ABCA9: variants seen among roughly 807,000 people sequenced by gnomAD.
The protein encoded by ABCA9 is ATP-binding cassette sub-family A member 9.
ABCA9 carries 183 observed loss-of-function variants against 205.3 expected under a neutral mutation model. The observed-to-expected ratio is 0.89, with a 90% CI of 0.79 to 1.01. The LOEUF is 1.01. ABCA9 is among the 50% of genes least tolerant of loss of function. The pLI is 0.00. For missense variants in ABCA9, 1,805 were observed against 1,912.4 expected (o/e 0.94, Z 1.05); for synonymous variants, 651 against 683.3 (o/e 0.95, Z 0.74).
chr17:68,977,461 G>A (rs1031321816), intron 37 of ABCA9, among the ~76,000 whole-genome samples: 1 of 152,118 alleles, frequency 6.6e-6, no homozygotes, highest in African/African-American at 2.4e-5. Context: ...CCCTGGAGAG[G>A]CCCAAAACAT....
intron 28 of ABCA9, among the ~76,000 whole-genome samples, chr17:68,991,645 T>C (rs2078628061): frequency 6.6e-6 from 1 of 152,224 alleles, no homozygotes; most frequent in African/African-American, 2.4e-5. Flanking sequence ...GTTTATATTT[T>C]ATATGGAAGG....
chr17:69,031,166 C>T (rs1328968660), intron 10 of ABCA9, among the ~76,000 whole-genome samples: 1 of 152,120 alleles, frequency 6.6e-6, no homozygotes, highest in Non-Finnish European at 1.5e-5. Flanking sequence ...ATCTTCAATA[C>T]CCTCCTCCTT....
At chr17:69,066,235 T>C in the ABCA9 span, among the ~76,000 whole-genome samples, 1 of 152,118 alleles carries the variant, frequency 6.6e-6, no homozygotes, top group Non-Finnish European at 1.5e-5. Context: ...TCCCACACCA[T>C]AGATTGTAAA....
In ABCA9 at chr17:69,043,659, C is replaced by A. The variant is rs552851371; in HGVS notation, c.630G>T (p.Met210Ile). 1 of 1,613,484 alleles carries A rather than the reference C, an allele frequency of 6.2e-7. No individual in the cohort carries two copies. The highest frequency in any genetic ancestry group is 1.3e-5 in the African/African-American group (1 of 75,000). ...EQLMSVTGVH[M>I]KILPFVAQGG... ...CTTGGGCAACAAAAGGTAATATCTT[C>A]ATATGTACACCAGTAACTGACATCA... The change falls in exon 6 of 39, where the codon ATG becomes ATT. Residue 210 changes from methionine to isoleucine, a missense_variant. By Grantham distance (10) the Met-to-Ile change is conservative. Coordinates refer to ENST00000340001, the MANE Select transcript of ABCA9 (RefSeq NM_080283.4).
At chr17:69,032,384 A>G (rs1334168373) in intron 9 of ABCA9, 108 bp from the exon 10 acceptor site, 17 of 1,014,686 alleles carry the variant, frequency 1.7e-5, no homozygotes, top group Non-Finnish European at 2.3e-5. Context: ...ACATTATCAT[A>G]TTAAGGTCTG....
chr17:69,056,283 A>C (rs1468827927), intron 1 of ABCA9, among the ~76,000 whole-genome samples: 1 of 152,174 alleles, frequency 6.6e-6, no homozygotes. Context: ...TAACTAAGAA[A>C]AAAGAGGGAG....
At chr17:69,061,581 T>G (rs1172556228), upstream of ABCA9, among the ~76,000 whole-genome samples, 1 of 152,198 alleles carries the variant, frequency 6.6e-6, no homozygotes, top group Non-Finnish European at 1.5e-5. Context: ...TAGAGAAATC[T>G]CACATAACAA....
chr17:68,984,273 A>C, intron 34 of ABCA9, 98 bp from the exon 35 acceptor site: 1 of 1,529,690 alleles, frequency 6.5e-7, no homozygotes, highest in South Asian at 1.3e-5. Context: ...TGAAACATGC[A>C]GCGAATTCAG....
In ABCA9 at chr17:68,985,113, G is replaced by A. The variant is rs752091037; in HGVS notation, c.4224C>T (p.Leu1408=). 1.9e-5 allele frequency: 31 copies of A among 1,614,072 alleles called. No homozygotes were observed. The highest frequency in any genetic ancestry group is 2.6e-5 in the Non-Finnish European group (31 of 1,180,030). Residue 1408 remains leucine, a synonymous_variant, in exon 33 of 39, where the codon CTC becomes CTT. Transcript: ENST00000340001. ...GAGCCTTCAGCTGGTCCTGCAGCTT[G>A]AGCGCATCCACTAACCTGAAGAAAA... ...MIAITRLVDA[L]KLQDQLKAPV... is the part of the protein sequence containing the mutation.
intron 25 of ABCA9, among the ~76,000 whole-genome samples, chr17:69,005,503 A>G (rs2070094629): frequency 6.6e-6 from 1 of 152,154 alleles, no homozygotes; most frequent in Admixed American, 6.5e-5. Context: ...TCACTCATGT[A>G]TACCTTTTTA....
In ABCA9 at chr17:69,043,667, C is replaced by A. The variant is rs763419693; in HGVS notation, c.622G>T (p.Val208Leu). Residue 208 changes from valine (V) to leucine (L), a missense_variant, in exon 6 of 39, where the codon GTA (valine) becomes TTA (leucine). Physicochemically the swap from Val to Leu is conservative, Grantham distance 32. Coordinates refer to ENST00000340001, the MANE Select transcript of ABCA9 (RefSeq NM_080283.4). The part of the protein sequence containing the change: ...VMEQLMSVTG[V>L]HMKILPFVAQ... ...ACAAAAGGTAATATCTTCATATGTA[C>A]ACCAGTAACTGACATCAGCTGTTCC... 3 of 1,612,244 alleles carry A rather than the reference C, an allele frequency of 1.9e-6. No homozygotes were observed. The Admixed American group carries it at 5.0e-5, about 27-fold the overall frequency.
intron 4 of ABCA9, 41 bp downstream of exon 4, chr17:69,045,131 A>T: frequency 6.3e-7 from 1 of 1,578,252 alleles, no homozygotes; most frequent in East Asian, 2.3e-5. Flanking sequence ...GTGGCTACTG[A>T]TACAATAGCA....
At chr17:69,011,208 TTAAG>T (rs1428525326) in intron 23 of ABCA9, among the ~76,000 whole-genome samples, 1 of 152,146 alleles carries the variant, frequency 6.6e-6, no homozygotes, top group African/African-American at 2.4e-5. Context: ...CATAGAGTGA[TTAAG>T]TAACTTTTGA....
chr17:69,026,226 G>A (rs1222585299), intron 16 of ABCA9, 151 bp downstream of exon 16: 4 of 618,308 alleles, frequency 6.5e-6, no homozygotes, highest in Non-Finnish European at 1.1e-5. Context: ...CTGCATTCTA[G>A]CTAAAAAAGC....
In ABCA9 at chr17:69,027,631, C is replaced by T. The variant is rs1406455101; in HGVS notation, c.1791+9G>A. The T allele has an allele frequency of 1.9e-6, 3 of 1,611,154 alleles. No individual in the cohort carries two copies. The East Asian group carries it at 6.7e-5, about 36-fold the overall frequency. On this transcript the variant is annotated intron_variant, in intron 13 of 38. Transcript: ENST00000340001. ...TTATGGCTATGTGACATCTAATATG[C>T]TCACATACCTCTTTCTCCACTTCAT...
rs779367534 is a variant in ABCA9 at position 68,985,131 on chromosome 17, G to A, written c.4209-3C>T. On this transcript the variant is annotated splice_polypyrimidine_tract_variant and splice_region_variant and intron_variant, in intron 32 of 38. Transcript: ENST00000340001. The stretch of plus-strand genomic sequence containing the variant: ...GCAGCTTGAGCGCATCCACTAACCT[G>A]AAGAAAACAGAGTCAATCCACATAA... 3 of 1,612,394 alleles carry A rather than the reference G, an allele frequency of 1.9e-6. No individual in the cohort carries two copies. The highest frequency in any genetic ancestry group is 2.2e-5 in the South Asian group (2 of 91,052).
chr17:68,994,441 G>A (rs976526851), intron 26 of ABCA9, among the ~76,000 whole-genome samples: 54 of 152,142 alleles, frequency 3.5e-4, no homozygotes, highest in Non-Finnish European at 7.4e-4. Flanking sequence ...TTCCTAAACT[G>A]CATTTAAAAG....
the ABCA9 span, among the ~76,000 whole-genome samples, chr17:69,069,888 A>G: frequency 6.6e-6 from 1 of 152,152 alleles, no homozygotes; most frequent in African/African-American, 2.4e-5. Flanking sequence ...GTTATTCGGT[A>G]TCTTGTAAAC....
chr17:69,070,842 C>T, the ABCA9 span, among the ~76,000 whole-genome samples: 3 of 152,188 alleles, frequency 2.0e-5, no homozygotes, highest in Non-Finnish European at 4.4e-5. Flanking sequence ...ATCCACTAGA[C>T]TGAAATTCTC....
Sources: allele counts gnomAD v4.1 joint callset (sites outside exome capture counted in the v4.1 genomes callset), GRCh38; gene constraint gnomAD v4.1.1; transcripts MANE v1.5; gene names NCBI Gene and HGNC (gene_info 2026-07-23, HGNC 2026-07-21).